ACER1: variants seen among roughly 807,000 people sequenced by gnomAD.
ACER1 encodes CTB-180A7.3.
In ACER1, 28 loss-of-function variants were observed where a neutral mutation model predicts 24.9. That is an observed-to-expected ratio of 1.13 (90% CI 0.83 to 1.54). ACER1 has a LOEUF of 1.54. Among genes scored for constraint, ACER1 ranks in the 40% most tolerant of loss-of-function variants. The pLI is 0.00. For missense variants in ACER1, 352 were observed against 349.3 expected (o/e 1.01, Z -0.06); for synonymous variants, 132 against 131.4 (o/e 1.00, Z -0.03).
intron 1 of ACER1, among the ~76,000 whole-genome samples, chr19:6,322,597 C>T (rs1378657084): frequency 6.6e-6 from 1 of 152,110 alleles, no homozygotes; most frequent in Non-Finnish European, 1.5e-5. Flanking sequence ...AGTGTCTGGG[C>T]TCTGCAACCT....
At chr19:6,327,496 C>A (rs1174288791) in intron 1 of ACER1, among the ~76,000 whole-genome samples, 1 of 151,734 alleles carries the variant, frequency 6.6e-6, no homozygotes, top group East Asian at 1.9e-4. Context: ...ACCCGGGAGG[C>A]GGAGCTTGCA....
At chr19:6,355,104 C>G in the ACER1 span, among the ~76,000 whole-genome samples, 3 of 152,122 alleles carry the variant, frequency 2.0e-5, no homozygotes, top group Non-Finnish European at 4.4e-5. Flanking sequence ...GGATTGCAGA[C>G]GGAGTCTGGT....
At chr19:6,322,876 C>A (rs1460946802) in intron 1 of ACER1, among the ~76,000 whole-genome samples, 1 of 152,046 alleles carries the variant, frequency 6.6e-6, no homozygotes. Context: ...TTTGGGAGAA[C>A]AAGGTGGGTG....
chr19:6,338,933 A>T, the ACER1 span, among the ~76,000 whole-genome samples: 4 of 150,330 alleles, frequency 2.7e-5, no homozygotes, highest in African/African-American at 4.9e-5. Flanking sequence ...GCTAGAGTGC[A>T]ATGGTGCAAT....
At chr19:6,323,130 A>C (rs1450721579) in intron 1 of ACER1, among the ~76,000 whole-genome samples, 1 of 150,568 alleles carries the variant, frequency 6.6e-6, no homozygotes, top group Admixed American at 6.6e-5. Context: ...ACAAACAAAA[A>C]ACAAAACAGG....
At chr19:6,319,003 T>C (rs1334527234) in intron 1 of ACER1, among the ~76,000 whole-genome samples, 1 of 151,722 alleles carries the variant, frequency 6.6e-6, no homozygotes, top group East Asian at 2.0e-4. Context: ...AATGGTACCT[T>C]GCAGGCTGAT....
At position 6,312,448 on chromosome 19, in the gene ACER1, G is replaced by T; in HGVS notation, c.145C>A (p.His49Asn). 6.2e-7 allele frequency: 1 copy of T among 1,614,026 alleles called. No homozygotes were observed. The highest frequency in any genetic ancestry group is 8.5e-7 in the Non-Finnish European group (1 of 1,180,020). ...IFGPLMMLLM[H>N]PYAQKRSRYI... is the part of the protein sequence containing the mutation. ...CGGGAGCGCTTCTGGGCATACGGGT[G>T]CATCAGGAGCATCATCAGTGGCCCG... The change falls in exon 2 of 6, where the codon CAC becomes AAC. Residue 49 changes from histidine to asparagine, a missense_variant. Coordinates refer to ENST00000301452, the MANE Select transcript of ACER1 (RefSeq NM_133492.3).
chr19:6,354,357 C>T, the ACER1 span, among the ~76,000 whole-genome samples: 5 of 151,956 alleles, frequency 3.3e-5, no homozygotes, highest in African/African-American at 9.6e-5. Flanking sequence ...CTCCTGTTAT[C>T]GAGTGGGTGG....
At chr19:6,358,118 G>A in the ACER1 span, among the ~76,000 whole-genome samples, 1 of 152,142 alleles carries the variant, frequency 6.6e-6, no homozygotes, top group South Asian at 2.1e-4. Context: ...GCAGCCCTGG[G>A]GCAACCGGCC....
chr19:6,337,737 T>G (rs1187997659), upstream of ACER1, among the ~76,000 whole-genome samples: 15 of 134,724 alleles, frequency 1.1e-4, no homozygotes, highest in East Asian at 3.8e-3. Flanking sequence ...GTGCAGTGGC[T>G]CGATCTTGGC....
At chr19:6,347,109 A>AAAAAAAAAAATAT in the ACER1 span, among the ~76,000 whole-genome samples, 4 of 113,822 alleles carry the variant, frequency 3.5e-5, no homozygotes, top group African/African-American at 1.0e-4. Flanking sequence ...AAAAAAAAAA[A>AAAAAAAAAAATAT]ATATATATAT....
chr19:6,312,584 GCCAGTCGGTTA>G (rs1219806471), intron 1 of ACER1, 85 bp from the exon 2 acceptor site: 3 of 1,044,966 alleles, frequency 2.9e-6, no homozygotes, highest in Non-Finnish European at 4.5e-6. Flanking sequence ...TCAGTCACCA[GCCAGTCGGTTA>G]CCTGCTGCAT....
intron 3 of ACER1, 47 bp from the exon 4 acceptor site, chr19:6,309,881 A>G: frequency 6.2e-7 from 1 of 1,609,282 alleles, no homozygotes; most frequent in South Asian, 1.1e-5. Context: ...AGGTCCTGGG[A>G]TTGTAGGCAT....
At chr19:6,342,196 G>A in the ACER1 span, among the ~76,000 whole-genome samples, 1 of 150,956 alleles carries the variant, frequency 6.6e-6, no homozygotes, top group African/African-American at 2.4e-5. Flanking sequence ...ATAGTATTGT[G>A]TCCATATTTA....
At position 6,306,933 on chromosome 19, in the gene ACER1, A is replaced by C. The variant is rs758785251; in HGVS notation, c.627-51T>G. 1.1e-5 allele frequency: 18 copies of C among 1,571,682 alleles called. No homozygotes were observed. In the South Asian group the frequency reaches 1.9e-4, roughly 16 times the overall value. ...GAGGGCACAAGATACCCACAGCCTC[A>C]CGCCGGCCCTCTTTTTACTTCTCAT... On this transcript the variant is annotated intron_variant, in intron 5 of 5. Transcript: ENST00000301452.
chr19:6,349,483 GGGAGGGAA>G, the ACER1 span, among the ~76,000 whole-genome samples: 4 of 137,214 alleles, frequency 2.9e-5, no homozygotes, highest in African/African-American at 1.2e-4. Flanking sequence ...GAAGGAAGGA[GGGAGGGAA>G]GGAAGGAAGG....
chr19:6,306,869 T>C lies in ACER1; in HGVS notation c.640A>G (p.Ser214Gly). 1.9e-6 allele frequency: 3 copies of C among 1,613,580 alleles called. No individual in the cohort carries two copies. Among genetic ancestry groups the C allele is most frequent in the Non-Finnish European group, 2.5e-6 (3 of 1,179,678 alleles). ...ACCATGCCATAAGGGAAGGTGATGC[T>C]GATGAGCACATGCCTGTGGAGTGCA... ...YLHSIWHVLI[S>G]ITFPYGMVTM... The change falls in exon 6 of 6, where the codon AGC becomes GGC. Residue 214 changes from serine (S) to glycine (G), a missense_variant. By Grantham distance (56) the Ser-to-Gly change is moderately conservative. Coordinates refer to ENST00000301452, the MANE Select transcript of ACER1 (RefSeq NM_133492.3).
At chr19:6,348,338 G>A in the ACER1 span, among the ~76,000 whole-genome samples, 5 of 151,574 alleles carry the variant, frequency 3.3e-5, no homozygotes, top group East Asian at 2.0e-4. Flanking sequence ...GGTGGCACGC[G>A]CCTGTAATCT....
the ACER1 span, among the ~76,000 whole-genome samples, chr19:6,339,957 G>A: frequency 1.3e-5 from 2 of 148,738 alleles, no homozygotes; most frequent in Non-Finnish European, 3.0e-5. Flanking sequence ...GAGCCACCAC[G>A]CCTGGCCTGA....
Sources: allele counts gnomAD v4.1 joint callset (sites outside exome capture counted in the v4.1 genomes callset), GRCh38; gene constraint gnomAD v4.1.1; transcripts MANE v1.5; gene names NCBI Gene and HGNC (gene_info 2026-07-23, HGNC 2026-07-21).